The following CCDC102B variants were observed in gnomAD, a reference collection of about 807,000 sequenced individuals.
The protein encoded by CCDC102B is coiled-coil domain containing 102B.
Under a neutral mutation model 57.4 loss-of-function variants are expected in CCDC102B, and 75 were observed. The observed-to-expected ratio is 1.31, with a 90% CI of 1.08 to 1.58. The LOEUF (loss-of-function observed/expected upper bound fraction) is 1.58, where lower values mean the gene tolerates loss of function less well. CCDC102B is among the 40% of genes most tolerant of loss of function. The pLI is 0.00. For synonymous variants in CCDC102B, 206 were observed against 201.9 expected (o/e 1.02, Z -0.17); for missense variants, 636 against 582.6 (o/e 1.09, Z -0.94).
chr18:69,026,507 G>A (rs1427361062), intron 7 of CCDC102B, among the ~76,000 whole-genome samples: 7 of 150,564 alleles, frequency 4.6e-5, no homozygotes, highest in African/African-American at 2.4e-5. Flanking sequence ...AAAGCTGGGC[G>A]ACATCTGGTT....
At chr18:68,961,943 C>A (rs2050057186) in intron 6 of CCDC102B, among the ~76,000 whole-genome samples, 1 of 152,024 alleles carries the variant, frequency 6.6e-6, no homozygotes, top group Non-Finnish European at 1.5e-5. Flanking sequence ...GATGTAGGAT[C>A]TCTGAACATT....
intron 4 of CCDC102B, among the ~76,000 whole-genome samples, chr18:68,871,899 C>A (rs922803476): frequency 2.0e-5 from 3 of 152,042 alleles, no homozygotes; most frequent in Non-Finnish European, 2.9e-5. Context: ...TATGAGGCTG[C>A]ATGTAGAAGC....
At chr18:68,873,121 T>G (rs2039300972) in intron 4 of CCDC102B, among the ~76,000 whole-genome samples, 1 of 152,154 alleles carries the variant, frequency 6.6e-6, no homozygotes, top group Non-Finnish European at 1.5e-5. Flanking sequence ...TAGCCTCTGT[T>G]TTATACTCTT....
At position 68,929,768 on chromosome 18, in the gene CCDC102B, A is replaced by G. The variant is rs574358247; in HGVS notation, c.1263+32340A>G. 2.6e-5 allele frequency among the ~76,000 whole-genome samples: 4 copies of G among 151,998 alleles called. No individual in the cohort carries two copies. In the South Asian group the frequency reaches 8.3e-4, roughly 31 times the overall value. ...GATATACCAGGAAGAAGAGGAATAT[A>G]TGGAGCATAGTTTGGCTATAAGAAG... On this transcript the variant is annotated intron_variant, in intron 6 of 7. Transcript: ENST00000360242.
chr18:68,840,839 CAT>C (rs1457145952), intron 3 of CCDC102B, among the ~76,000 whole-genome samples: 1 of 152,178 alleles, frequency 6.6e-6, no homozygotes, highest in Non-Finnish European at 1.5e-5. Flanking sequence ...TATCCATATA[CAT>C]ATACACAACA....
At chr18:68,740,284 A>T (rs2033325833) in intron 2 of CCDC102B, among the ~76,000 whole-genome samples, 1 of 152,220 alleles carries the variant, frequency 6.6e-6, no homozygotes, top group South Asian at 2.1e-4. Context: ...TCCTGTATTG[A>T]TAAAATGAAT....
At chr18:68,724,660 C>A (rs1568218029) in intron 2 of CCDC102B, among the ~76,000 whole-genome samples, 1 of 152,210 alleles carries the variant, frequency 6.6e-6, no homozygotes, top group African/African-American at 2.4e-5. Context: ...GTATCACTAT[C>A]AGCATTTTGG....
At chr18:68,867,298 G>C (rs933427037) in intron 4 of CCDC102B, among the ~76,000 whole-genome samples, 4 of 152,088 alleles carry the variant, frequency 2.6e-5, no homozygotes, top group Non-Finnish European at 5.9e-5. Context: ...CCTTCCCCTT[G>C]TTTCTAAATA....
intron 6 of CCDC102B, among the ~76,000 whole-genome samples, chr18:69,003,357 T>C (rs188920095): frequency 6.8e-4 from 104 of 152,312 alleles, no homozygotes; most frequent in African/African-American, 2.4e-3. Context: ...TTCCCCTATA[T>C]AGTATCAGGA....
At chr18:68,889,243 G>A (rs2039990883) in intron 5 of CCDC102B, among the ~76,000 whole-genome samples, 1 of 152,092 alleles carries the variant, frequency 6.6e-6, no homozygotes, top group African/African-American at 2.4e-5. Context: ...TCTTAGGATT[G>A]GATGAGTATC....
chr18:69,053,990 C>T (rs1048133121), intron 7 of CCDC102B, 40 bp from the exon 8 acceptor site: 8 of 1,518,076 alleles, frequency 5.3e-6, no homozygotes, highest in African/African-American at 1.4e-5. Flanking sequence ...TACTATAGAA[C>T]ACTTGAACCT....
intron 7 of CCDC102B, among the ~76,000 whole-genome samples, chr18:69,016,138 C>G (rs1223775576): frequency 3.3e-5 from 5 of 151,648 alleles, no homozygotes; most frequent in Admixed American, 6.6e-5. Flanking sequence ...GCTGGGATTA[C>G]AGGCGTGAGC....
chr18:68,804,791 A>G (rs2035974154), intron 1 of CCDC102B, among the ~76,000 whole-genome samples: 1 of 152,110 alleles, frequency 6.6e-6, no homozygotes, highest in African/African-American at 2.4e-5. Context: ...AGATAAATGA[A>G]AGTGTCTTTA....
intron 6 of CCDC102B, among the ~76,000 whole-genome samples, chr18:68,966,854 TTC>T (rs2050177486): frequency 6.6e-6 from 1 of 152,082 alleles, no homozygotes; most frequent in South Asian, 2.1e-4. Context: ...GAGAGTTCTT[TTC>T]TGTTTTACTG....
intron 2 of CCDC102B, among the ~76,000 whole-genome samples, chr18:68,770,424 G>T (rs751979434): frequency 1.6e-4 from 24 of 152,060 alleles, no homozygotes; most frequent in Non-Finnish European, 2.8e-4. Flanking sequence ...TTTCTTTTAA[G>T]ACATGGGCTT....
chr18:68,897,330 G>T lies in CCDC102B; in HGVS notation c.1165G>T (p.Glu389Ter). ...TAGAAGGCTGAAGATCCAGGTGAAA[G>T]AAATGGAAGAGCTTTTGGATAAGAA... ...ENRRLKIQVKEMEELLDKKNR... is the reference protein window; with the variant it reads ...ENRRLKIQVK The change falls in exon 6 of 8, where the codon GAA (glutamate) becomes TAA (stop). Residue 389 changes from glutamate to a stop codon, truncating the protein, a stop_gained. Coordinates refer to ENST00000360242, the MANE Select transcript of CCDC102B (RefSeq NM_024781.3). LOFTEE classifies it high-confidence loss of function. 1 of 1,613,134 alleles carries T rather than the reference G, an allele frequency of 6.2e-7. No individual in the cohort carries two copies. The highest frequency in any genetic ancestry group is 8.5e-7 in the Non-Finnish European group (1 of 1,179,316).
intron 4 of CCDC102B, among the ~76,000 whole-genome samples, chr18:68,858,203 T>C (rs1384520515): frequency 6.6e-6 from 1 of 152,230 alleles, no homozygotes; most frequent in Non-Finnish European, 1.5e-5. Flanking sequence ...TAGAATTGTA[T>C]AAAAATGGAA....
chr18:68,808,077 A>C (rs955741014), intron 1 of CCDC102B, among the ~76,000 whole-genome samples: 16 of 152,178 alleles, frequency 1.1e-4, no homozygotes, highest in African/African-American at 3.6e-4. Context: ...GTTTCATATT[A>C]TAGATGTAAC....
intron 7 of CCDC102B, among the ~76,000 whole-genome samples, chr18:69,030,853 A>T (rs1568136574): frequency 6.6e-6 from 1 of 151,886 alleles, no homozygotes; most frequent in African/African-American, 2.4e-5. Context: ...TGGGGTTTCA[A>T]CATATTGGCC....
Sources: allele counts gnomAD v4.1 joint callset (sites outside exome capture counted in the v4.1 genomes callset), GRCh38; gene constraint gnomAD v4.1.1; transcripts MANE v1.5; gene names NCBI Gene and HGNC (gene_info 2026-07-23, HGNC 2026-07-21).